The following RAP1GAP2 variants were observed in gnomAD, a reference collection of about 807,000 sequenced individuals.
RAP1GAP2 encodes the protein rap1 GTPase-activating protein 2.
A neutral mutation model predicts 95.0 loss-of-function variants in RAP1GAP2; 27 were observed. The observed-to-expected ratio is 0.28, with a 90% CI of 0.21 to 0.39. The LOEUF (loss-of-function observed/expected upper bound fraction) is 0.39, where lower values mean the gene tolerates loss of function less well. RAP1GAP2 is among the 10% of genes least tolerant of loss of function. The pLI, the probability that RAP1GAP2 is intolerant of heterozygous loss-of-function variation, is 1.00. For missense variants in RAP1GAP2, 771 were observed against 970.0 expected, an observed-to-expected ratio of 0.79 and a Z score of 2.72; for synonymous variants, 373 against 380.9, an observed-to-expected ratio of 0.98 and a Z score of 0.24.
chr17:2,820,619 CA>C (rs528845347), intron 2 of RAP1GAP2, among the ~76,000 whole-genome samples: 3,829 of 86,964 alleles, frequency 0.044, 84 homozygotes, highest in African/African-American at 0.094. Flanking sequence ...GACACCGTCT[CA>C]AAAAAAAAAA....
intron 16 of RAP1GAP2, among the ~76,000 whole-genome samples, chr17:3,007,609 T>C (rs1400103895): frequency 6.6e-6 from 1 of 152,170 alleles, no homozygotes; most frequent in Admixed American, 6.5e-5. Flanking sequence ...TCCTCATCTG[T>C]GTGAATAGCG....
chr17:3,018,156 C>T lies in RAP1GAP2; in HGVS notation c.1590C>T (p.Gly530=). The T allele has an allele frequency of 6.3e-7, 1 of 1,578,954 alleles. No homozygotes were observed. Among genetic ancestry groups the T allele is most frequent in the Non-Finnish European group, 8.6e-7 (1 of 1,163,120 alleles). ...GCATCCCTGGCAGCCTCAGCGGGGG[C>T]ATCTCCCACAACAGCATGGAGGTCA... ...SGGIPGSLSG[G]ISHNSMEVTK... Residue 530 remains glycine, a synonymous_variant, in exon 18 of 25, where the codon GGC becomes GGT. Transcript: ENST00000254695.
At chr17:2,773,265 G>A (rs968621677), upstream of RAP1GAP2, among the ~76,000 whole-genome samples, 3 of 152,198 alleles carry the variant, frequency 2.0e-5, no homozygotes, top group African/African-American at 2.4e-5. Flanking sequence ...CAAGGAAGAC[G>A]TGGACGATCC....
intron 2 of RAP1GAP2, among the ~76,000 whole-genome samples, chr17:2,801,783 G>A (rs576970582): frequency 3.9e-4 from 59 of 152,170 alleles, no homozygotes; most frequent in South Asian, 1.0e-3. Context: ...GTATCTCTTG[G>A]TCCGTCTGCT....
chr17:2,985,116 A>G (rs1386729635), intron 11 of RAP1GAP2, 50 bp downstream of exon 11: 3 of 1,609,974 alleles, frequency 1.9e-6, no homozygotes, highest in Non-Finnish European at 2.5e-6. Flanking sequence ...TTTCTCACTT[A>G]GGACTCTTTT....
chr17:2,775,768 G>A (rs1360084041), upstream of RAP1GAP2, among the ~76,000 whole-genome samples: 4 of 152,214 alleles, frequency 2.6e-5, no homozygotes, highest in African/African-American at 9.7e-5. Flanking sequence ...GGTTACTGAG[G>A]ATGAGACTCA....
At chr17:2,909,447 T>C (rs1254085953) in intron 3 of RAP1GAP2, among the ~76,000 whole-genome samples, 2 of 151,676 alleles carry the variant, frequency 1.3e-5, no homozygotes, top group Admixed American at 6.6e-5. Flanking sequence ...ACGGTACTTG[T>C]GAGGTGGGGA....
At chr17:2,893,712 C>T (rs944403722) in intron 2 of RAP1GAP2, among the ~76,000 whole-genome samples, 1 of 152,182 alleles carries the variant, frequency 6.6e-6, no homozygotes, top group African/African-American at 2.4e-5. Context: ...TGACGCTGCT[C>T]CCCCCATGGA....
At chr17:2,949,937 T>C (rs979156396) in intron 3 of RAP1GAP2, among the ~76,000 whole-genome samples, 2 of 152,212 alleles carry the variant, frequency 1.3e-5, no homozygotes, top group African/African-American at 4.8e-5. Flanking sequence ...CATGCAGGGA[T>C]CATCCACCCA....
Position 2,943,105 on chromosome 17 carries a change from C to G in RAP1GAP2, c.166-14654C>G, listed in dbSNP as rs146648154. The stretch of plus-strand genomic sequence containing the variant: ...TATTTGATCATCCCCAAATAAAACC[C>G]CTTTAAGCAGTTACTCCCCACTTTC... On this transcript the variant is annotated intron_variant, in intron 3 of 24. Coordinates refer to ENST00000254695, the MANE Select transcript of RAP1GAP2 (RefSeq NM_015085.5). 1.7e-4 allele frequency among the ~76,000 whole-genome samples: 26 copies of G among 152,110 alleles called. No homozygotes were observed. In the East Asian group the frequency reaches 4.8e-3, roughly 28 times the overall value.
chr17:2,794,477 G>T (rs1383055789), upstream of RAP1GAP2, among the ~76,000 whole-genome samples: 4 of 152,162 alleles, frequency 2.6e-5, no homozygotes, highest in Non-Finnish European at 5.9e-5. Context: ...GCCATCCTGT[G>T]GGAAGCCAGC....
chr17:2,997,590 C>T (rs1459971141), intron 13 of RAP1GAP2, among the ~76,000 whole-genome samples: 5 of 152,262 alleles, frequency 3.3e-5, no homozygotes, highest in Non-Finnish European at 4.4e-5. Flanking sequence ...CTCTACCTAA[C>T]GACTTGGCCA....
chr17:2,836,432 G>A (rs2071133645), intron 2 of RAP1GAP2, among the ~76,000 whole-genome samples: 1 of 152,122 alleles, frequency 6.6e-6, no homozygotes. Context: ...AGGAGTTCAA[G>A]ATCATCCTGA....
At chr17:2,805,565 G>C (rs1466487256) in intron 2 of RAP1GAP2, among the ~76,000 whole-genome samples, 1 of 151,866 alleles carries the variant, frequency 6.6e-6, no homozygotes, top group Non-Finnish European at 1.5e-5. Flanking sequence ...AGAGATGGGG[G>C]TTTCACCATG....
chr17:2,861,816 G>A (rs1261455927), intron 2 of RAP1GAP2, among the ~76,000 whole-genome samples: 6 of 152,076 alleles, frequency 3.9e-5, no homozygotes, highest in African/African-American at 1.2e-4. Flanking sequence ...CACCATGCCC[G>A]GCTAATTTTT....
intron 8 of RAP1GAP2, among the ~76,000 whole-genome samples, chr17:2,973,093 A>G (rs1386738036): frequency 6.6e-6 from 1 of 152,174 alleles, no homozygotes; most frequent in Non-Finnish European, 1.5e-5. Flanking sequence ...TAGGGTTGAT[A>G]AATGATGCTA....
At chr17:2,918,441 A>AAAG (rs1166123677) in intron 3 of RAP1GAP2, among the ~76,000 whole-genome samples, 1 of 151,564 alleles carries the variant, frequency 6.6e-6, no homozygotes, top group East Asian at 1.9e-4. Flanking sequence ...TCAAAAAAAA[A>AAAG]AAAAAAAAAA....
At chr17:2,777,989 GCGGGGAGGC>G (rs1441871487) in intron 1 of RAP1GAP2, among the ~76,000 whole-genome samples, 3 of 137,202 alleles carry the variant, frequency 2.2e-5, no homozygotes, top group African/African-American at 9.3e-5. Context: ...AGGCTGGGAG[GCGGGGAGGC>G]TGGGAGGCTG....
At chr17:2,809,773 G>T (rs1438552158) in intron 2 of RAP1GAP2, among the ~76,000 whole-genome samples, 1 of 152,176 alleles carries the variant, frequency 6.6e-6, no homozygotes, top group African/African-American at 2.4e-5. Flanking sequence ...GGTGCTTCTT[G>T]TCTACACACT....
Sources: allele counts gnomAD v4.1 joint callset (sites outside exome capture counted in the v4.1 genomes callset), GRCh38; gene constraint gnomAD v4.1.1; transcripts MANE v1.5; gene names NCBI Gene and HGNC (gene_info 2026-07-23, HGNC 2026-07-21).